ABTB3: variants seen among roughly 807,000 people sequenced by gnomAD.
ABTB3 encodes the protein ankyrin repeat- and BTB/POZ domain-containing protein 3.
chr12:107,444,742 G>A, the ABTB3 span, among the ~76,000 whole-genome samples: 17 of 152,198 alleles, frequency 1.1e-4, no homozygotes, highest in Non-Finnish European at 2.1e-4. Flanking sequence ...TCAAAAATAC[G>A]CACTCAACCT....
At chr12:107,658,851 A>T in the ABTB3 span, 2 of 152,622 alleles carry the variant, frequency 1.3e-5, no homozygotes, top group Non-Finnish European at 2.9e-5. Context: ...ACTATGTTAG[A>T]TTATTTTTAA....
At chr12:107,357,287 GC>G in the ABTB3 span, among the ~76,000 whole-genome samples, 8 of 152,184 alleles carry the variant, frequency 5.3e-5, no homozygotes, top group Admixed American at 1.3e-4. Context: ...CCCAGAGATG[GC>G]CTCAGCATCC....
At chr12:107,363,148 T>C in the ABTB3 span, among the ~76,000 whole-genome samples, 3 of 152,244 alleles carry the variant, frequency 2.0e-5, no homozygotes, top group Non-Finnish European at 4.4e-5. Flanking sequence ...TGAAATGGCA[T>C]GCCCCTCACT....
At chr12:107,501,371 T>C in the ABTB3 span, among the ~76,000 whole-genome samples, 1 of 142,724 alleles carries the variant, frequency 7.0e-6, no homozygotes, top group Non-Finnish European at 1.5e-5. Context: ...GAAGAACAGG[T>C]AGAGATGCTC....
At chr12:107,351,318 G>A in the ABTB3 span, among the ~76,000 whole-genome samples, 2 of 152,150 alleles carry the variant, frequency 1.3e-5, no homozygotes, top group Admixed American at 1.3e-4. Flanking sequence ...TCTTCTGATT[G>A]CAAAACGCTT....
the ABTB3 span, among the ~76,000 whole-genome samples, chr12:107,448,311 T>C: frequency 1.9e-3 from 290 of 152,322 alleles, 5 homozygotes; most frequent in African/African-American, 6.9e-3. Flanking sequence ...GAGCGGTAGC[T>C]GTGTTGAGTT....
At chr12:107,351,431 G>A in the ABTB3 span, among the ~76,000 whole-genome samples, 5 of 152,198 alleles carry the variant, frequency 3.3e-5, no homozygotes, top group South Asian at 2.1e-4. Context: ...CTGCTGTGGC[G>A]GATGGAGGAA....
At chr12:107,551,398 G>A in the ABTB3 span, among the ~76,000 whole-genome samples, 1 of 152,180 alleles carries the variant, frequency 6.6e-6, no homozygotes, top group African/African-American at 2.4e-5. Flanking sequence ...TTTGAAACAT[G>A]ATCCATTTGT....
the ABTB3 span, chr12:107,659,079 A>G: frequency 6.6e-6 from 1 of 152,244 alleles, no homozygotes; most frequent in Non-Finnish European, 1.5e-5. Context: ...TGCAGTAAAA[A>G]CTAGGAGAAT....
At chr12:107,468,491 C>T in the ABTB3 span, among the ~76,000 whole-genome samples, 3 of 152,108 alleles carry the variant, frequency 2.0e-5, no homozygotes, top group Non-Finnish European at 2.9e-5. Context: ...CAGCTGGGCA[C>T]GGGAGACTTT....
chr12:107,349,029 T>C, the ABTB3 span, among the ~76,000 whole-genome samples: 1 of 152,306 alleles, frequency 6.6e-6, no homozygotes, highest in East Asian at 1.9e-4. Context: ...TCTCTGTACC[T>C]GTAAACCTGC....
chr12:107,333,604 T>G, the ABTB3 span, among the ~76,000 whole-genome samples: 2 of 152,196 alleles, frequency 1.3e-5, no homozygotes, highest in Non-Finnish European at 2.9e-5. Context: ...CTCAAAGGAA[T>G]CCTCAGATGT....
At chr12:107,550,380 G>T in the ABTB3 span, among the ~76,000 whole-genome samples, 1 of 151,904 alleles carries the variant, frequency 6.6e-6, no homozygotes, top group Admixed American at 6.6e-5. Flanking sequence ...CACAGGACCT[G>T]CCTGGACCCT....
the ABTB3 span, among the ~76,000 whole-genome samples, chr12:107,637,749 A>G: frequency 6.7e-6 from 1 of 150,336 alleles, no homozygotes; most frequent in Non-Finnish European, 1.5e-5. Context: ...GACAATAGGG[A>G]GTGGTGGGGA....
At chr12:107,533,339 A>G in the ABTB3 span, among the ~76,000 whole-genome samples, 2 of 152,214 alleles carry the variant, frequency 1.3e-5, no homozygotes, top group Non-Finnish European at 2.9e-5. Flanking sequence ...GGCTGAAAGA[A>G]TAAAAAAGTA....
At chr12:107,407,959 A>G in the ABTB3 span, among the ~76,000 whole-genome samples, 5 of 152,052 alleles carry the variant, frequency 3.3e-5, no homozygotes, top group African/African-American at 1.2e-4. Context: ...CTGGACTGCA[A>G]AGTCCTGGAA....
chr12:107,380,047 G>A, the ABTB3 span, among the ~76,000 whole-genome samples: 8 of 152,128 alleles, frequency 5.3e-5, no homozygotes, highest in Admixed American at 3.3e-4. Flanking sequence ...CTGGCATTGC[G>A]CGATGCTGTG....
chr12:107,513,994 T>A, the ABTB3 span, among the ~76,000 whole-genome samples: 3 of 152,246 alleles, frequency 2.0e-5, 1 homozygote, highest in African/African-American at 7.2e-5. Context: ...GGACTGCACA[T>A]CTGTGGGAAC....
At chr12:107,431,767 C>T in the ABTB3 span, among the ~76,000 whole-genome samples, 2 of 152,220 alleles carry the variant, frequency 1.3e-5, no homozygotes, top group African/African-American at 2.4e-5. Context: ...GTAACTTTAG[C>T]ATACCCTGAG....
Sources: allele counts gnomAD v4.1 joint callset (sites outside exome capture counted in the v4.1 genomes callset), GRCh38; gene constraint gnomAD v4.1.1; transcripts MANE v1.5; gene names NCBI Gene and HGNC (gene_info 2026-07-23, HGNC 2026-07-21).